Variants in MBNL2 observed in about 807,000 individuals in gnomAD.
MBNL2 encodes the protein muscleblind-like protein 2.
In MBNL2, 17 loss-of-function variants were observed where a neutral mutation model predicts 41.9. That is an observed-to-expected ratio of 0.41 (90% CI 0.28 to 0.61). The LOEUF (loss-of-function observed/expected upper bound fraction) is 0.61. MBNL2 is among the 20% of genes least tolerant of loss of function. The pLI is 0.35. For missense variants in MBNL2, 336 were observed against 505.6 expected, an observed-to-expected ratio of 0.66 and a Z score of 3.22; for synonymous variants, 195 against 182.9, an observed-to-expected ratio of 1.07 and a Z score of -0.53.
chr13:97,300,736 T>C (rs925987737), intron 2 of MBNL2, among the ~76,000 whole-genome samples: 1 of 152,226 alleles, frequency 6.6e-6, no homozygotes, highest in Admixed American at 6.5e-5. Context: ...ATTGATCTGC[T>C]TCAAAAATTT....
At chr13:97,187,987 C>T in the MBNL2 span, among the ~76,000 whole-genome samples, 3 of 151,872 alleles carry the variant, frequency 2.0e-5, no homozygotes, top group Non-Finnish European at 2.9e-5. Context: ...CCTTGATTTG[C>T]TAGAGAAATC....
the MBNL2 span, among the ~76,000 whole-genome samples, chr13:97,166,735 T>TTG: frequency 1.3e-5 from 2 of 151,922 alleles, no homozygotes; most frequent in Non-Finnish European, 2.9e-5. Flanking sequence ...AGATGGCCTA[T>TTG]TGTGGGGCCT....
intron 8 of MBNL2, among the ~76,000 whole-genome samples, chr13:97,389,421 T>C (rs1278206567): frequency 6.6e-6 from 1 of 152,196 alleles, no homozygotes; most frequent in African/African-American, 2.4e-5. Flanking sequence ...TTTAAGAAAC[T>C]GGCTGGGTAC....
intron 2 of MBNL2, among the ~76,000 whole-genome samples, chr13:97,302,479 A>C (rs1421113536): frequency 6.6e-6 from 1 of 152,224 alleles, no homozygotes; most frequent in Non-Finnish European, 1.5e-5. Flanking sequence ...GTAATCTGGT[A>C]ATCTAGAGTG....
intron 7 of MBNL2, chr13:97,362,926 G>C (rs954726458): frequency 1.3e-5 from 2 of 152,326 alleles, no homozygotes; most frequent in Admixed American, 1.3e-4. Context: ...ACAAGGGGAA[G>C]GGGTGTGAGG....
intron 2 of MBNL2, among the ~76,000 whole-genome samples, chr13:97,321,736 G>A (rs2153041837): frequency 6.6e-6 from 1 of 152,260 alleles, no homozygotes; most frequent in South Asian, 2.1e-4. Context: ...TGCTTTTTAA[G>A]GTGTGATATA....
At chr13:97,386,508 C>A (rs1186368592) in intron 8 of MBNL2, among the ~76,000 whole-genome samples, 4 of 152,206 alleles carry the variant, frequency 2.6e-5, no homozygotes, top group African/African-American at 9.7e-5. Flanking sequence ...ACATATCTTT[C>A]CTGCCTGGCC....
intron 1 of MBNL2, among the ~76,000 whole-genome samples, chr13:97,272,272 T>A (rs1201499490): frequency 6.6e-6 from 1 of 152,232 alleles, no homozygotes; most frequent in Non-Finnish European, 1.5e-5. Flanking sequence ...ATCCTTTGTA[T>A]GTTCATATCA....
intron 2 of MBNL2, among the ~76,000 whole-genome samples, chr13:97,282,655 G>C (rs78819018): frequency 0.037 from 5,649 of 152,278 alleles, 241 homozygotes; most frequent in African/African-American, 0.097. Context: ...CATGCTTAAA[G>C]ATTCTTGGAC....
intron 2 of MBNL2, among the ~76,000 whole-genome samples, chr13:97,290,364 C>CA (rs563380292): frequency 2.8e-3 from 417 of 150,950 alleles, no homozygotes; most frequent in African/African-American, 3.7e-3. Context: ...TGGGAAGTGA[C>CA]AAAAAAAAAT....
At chr13:97,389,442 G>C (rs1025635171) in intron 8 of MBNL2, among the ~76,000 whole-genome samples, 1 of 152,064 alleles carries the variant, frequency 6.6e-6, no homozygotes, top group African/African-American at 2.4e-5. Flanking sequence ...AGTGGCTCAC[G>C]CCTATAATCC....
chr13:97,208,615 T>C, the MBNL2 span, among the ~76,000 whole-genome samples: 3 of 152,242 alleles, frequency 2.0e-5, no homozygotes, highest in East Asian at 5.8e-4. Flanking sequence ...TGCATGTGGG[T>C]CAGGGACTTG....
At chr13:97,271,093 G>A (rs2050850536) in intron 1 of MBNL2, among the ~76,000 whole-genome samples, 1 of 151,502 alleles carries the variant, frequency 6.6e-6, no homozygotes, top group African/African-American at 2.4e-5. Flanking sequence ...AGAAAGCTTG[G>A]GTACACCTGC....
chr13:97,223,651 G>T (rs1340091131), intron 1 of MBNL2, among the ~76,000 whole-genome samples: 1 of 152,176 alleles, frequency 6.6e-6, no homozygotes, highest in Non-Finnish European at 1.5e-5. Context: ...TTTGTTAATT[G>T]GGTAATGTGT....
At chr13:97,320,572 A>C (rs115639869) in intron 2 of MBNL2, among the ~76,000 whole-genome samples, 5,667 of 152,094 alleles carry the variant, frequency 0.037, 324 homozygotes, top group African/African-American at 0.12. Context: ...GGTCTATTTT[A>C]GACCTCTCTC....
intron 1 of MBNL2, among the ~76,000 whole-genome samples, chr13:97,273,163 T>TA (rs2152922371): frequency 6.6e-6 from 1 of 152,342 alleles, no homozygotes; most frequent in South Asian, 2.1e-4. Flanking sequence ...AGGTTGAGCA[T>TA]CTACCTTGGG....
At chr13:97,166,788 A>AT in the MBNL2 span, among the ~76,000 whole-genome samples, 20 of 70,946 alleles carry the variant, frequency 2.8e-4, 1 homozygote, top group South Asian at 9.8e-3. Flanking sequence ...CCCTTGATAG[A>AT]TAGATAGATA....
intron 2 of MBNL2, among the ~76,000 whole-genome samples, chr13:97,285,782 A>G (rs1188663156): frequency 1.3e-5 from 2 of 150,956 alleles, no homozygotes; most frequent in Non-Finnish European, 2.9e-5. Flanking sequence ...GCTCTTAATC[A>G]TCCTTGGAAG....
chr13:97,385,875 T>C (rs2065883244), intron 8 of MBNL2, among the ~76,000 whole-genome samples: 1 of 152,196 alleles, frequency 6.6e-6, no homozygotes, highest in Non-Finnish European at 1.5e-5. Flanking sequence ...TTAGTTCAAG[T>C]TCAGTGTTTC....
Sources: gnomAD v4.1 joint callset for allele counts (sites outside exome capture counted in the v4.1 genomes callset) on GRCh38, gnomAD v4.1.1 for gene constraint, MANE v1.5 for transcripts, NCBI Gene and HGNC (gene_info 2026-07-23, HGNC 2026-07-21) for gene names.